Variants in MBTPS1 observed in about 807,000 individuals in gnomAD.
MBTPS1 encodes the protein membrane bound transcription factor peptidase, site 1.
Under a neutral mutation model 127.8 loss-of-function variants are expected in MBTPS1, and 94 were observed. That is an observed-to-expected ratio of 0.74 (90% CI 0.62 to 0.87). The LOEUF (loss-of-function observed/expected upper bound fraction) is 0.87, where lower values mean the gene tolerates loss of function less well. MBTPS1 is among the 40% of genes least tolerant of loss of function. The pLI, the probability that MBTPS1 is intolerant of heterozygous loss-of-function variation, is 0.00. For synonymous variants in MBTPS1, 632 were observed against 509.4 expected (o/e 1.24, Z -3.24); for missense variants, 1,636 against 1,353.2 (o/e 1.21, Z -3.28).
chr16:84,100,356 C>T (rs2086236846), intron 2 of MBTPS1, among the ~76,000 whole-genome samples: 1 of 152,164 alleles, frequency 6.6e-6, no homozygotes, highest in Non-Finnish European at 1.5e-5. Flanking sequence ...ACCAGCCTGA[C>T]CAACATGGAG....
chr16:84,056,463 T>C (rs1376169491), intron 21 of MBTPS1: 2 of 209,720 alleles, frequency 9.5e-6, no homozygotes, highest in Non-Finnish European at 1.9e-5. Context: ...GGAAGGAGCC[T>C]GTCAGGGGGA....
chr16:84,103,573 A>C (rs746463906), intron 1 of MBTPS1, among the ~76,000 whole-genome samples: 20 of 152,152 alleles, frequency 1.3e-4, no homozygotes, highest in African/African-American at 4.3e-4. Flanking sequence ...TTAAAAAGAA[A>C]ACATTAAGGA....
chr16:84,081,529 T>G (rs923857298), intron 11 of MBTPS1: 1 of 364,036 alleles, frequency 2.7e-6, no homozygotes, highest in Non-Finnish European at 4.9e-6. Context: ...TCATTACTTT[T>G]AACCATTTAT....
Position 84,116,823 on chromosome 16 carries a change from A to T in MBTPS1, c.-413T>A, listed in dbSNP as rs1393883948. 1 of 152,086 alleles carries T rather than the reference A, an allele frequency of 6.6e-6. No homozygotes were observed. Among genetic ancestry groups the T allele is most frequent in the Non-Finnish European group, 1.5e-5 (1 of 68,034 alleles). 9.4% of individuals were successfully genotyped at this position (152,086 alleles called of 1,614,324 possible). A position where few individuals can be genotyped will look rare whatever the true frequency, so the allele number is the denominator to read the frequency against. On this transcript the variant is annotated 5_prime_UTR_variant, in exon 1 of 23. Transcript: ENST00000343411. ...CTGGGCACTCCATTCGGGGCTGTTT[A>T]CTCCCAACTCTCGCGAGACTGGGCG...
intron 4 of MBTPS1, among the ~76,000 whole-genome samples, chr16:84,094,496 C>A (rs2086152858): frequency 6.6e-6 from 1 of 152,008 alleles, no homozygotes; most frequent in Admixed American, 6.5e-5. Context: ...CCTGTCTGAC[C>A]AAAAATTCTA....
chr16:84,089,957 C>G (rs1386611957), intron 8 of MBTPS1, among the ~76,000 whole-genome samples: 1 of 152,172 alleles, frequency 6.6e-6, no homozygotes, highest in East Asian at 1.9e-4. Flanking sequence ...TATGTTCATG[C>G]CACTTACATC....
intron 8 of MBTPS1, among the ~76,000 whole-genome samples, chr16:84,089,619 G>A (rs2086076069): frequency 6.6e-6 from 1 of 152,228 alleles, no homozygotes; most frequent in Non-Finnish European, 1.5e-5. Context: ...CAGTCTCATA[G>A]GTACTCTGCA....
chr16:84,071,736 G>GAT (rs2085772455), intron 12 of MBTPS1: 1 of 110,612 alleles, frequency 9.0e-6, no homozygotes, highest in Non-Finnish European at 2.3e-5. Context: ...TACATGAAAT[G>GAT]TAAAACTTTT....
intron 1 of MBTPS1, among the ~76,000 whole-genome samples, chr16:84,114,590 G>C (rs2086443638): frequency 6.6e-6 from 1 of 151,806 alleles, no homozygotes; most frequent in Non-Finnish European, 1.5e-5. Flanking sequence ...CAGCACTTTG[G>C]GAGGCCGACG....
intron 10 of MBTPS1, among the ~76,000 whole-genome samples, chr16:84,082,891 C>T (rs1422310612): frequency 1.3e-5 from 2 of 152,188 alleles, no homozygotes; most frequent in Non-Finnish European, 2.9e-5. Flanking sequence ...GGCTGGAGCT[C>T]GGGAGGCCCG....
rs75570232 is a variant in MBTPS1, at chr16:84,105,676, G to C, written c.-324-3569C>G. On this transcript the variant is annotated intron_variant, in intron 1 of 22. Coordinates refer to ENST00000343411, the MANE Select transcript of MBTPS1 (RefSeq NM_003791.4). ...TCCGTCTAGCGAGGCTGAAAGACGA[G>C]GGGGGAAGAGAGGACCTCAAGCAGG... Among the ~76,000 whole-genome samples, 1,409 of 152,250 alleles carry C rather than the reference G, an allele frequency of 9.3e-3. 27 individuals carry two copies. The highest frequency in any genetic ancestry group is 0.032 in the African/African-American group (1,333 of 41,544).
intron 8 of MBTPS1, among the ~76,000 whole-genome samples, chr16:84,088,389 GTCAT>G (rs1567492467): frequency 6.6e-6 from 1 of 151,426 alleles, no homozygotes; most frequent in Non-Finnish European, 1.5e-5. Flanking sequence ...CTACCAGCTG[GTCAT>G]TCAGAGGAAC....
chr16:84,105,204 G>A (rs1407474682), intron 1 of MBTPS1, among the ~76,000 whole-genome samples: 3 of 152,068 alleles, frequency 2.0e-5, no homozygotes, highest in African/African-American at 4.8e-5. Context: ...AACAGAGAAG[G>A]CAATTATTAT....
intron 1 of MBTPS1, among the ~76,000 whole-genome samples, chr16:84,115,567 G>C (rs2086462653): frequency 6.6e-6 from 1 of 152,248 alleles, no homozygotes; most frequent in Admixed American, 6.5e-5. Flanking sequence ...ATGAAATCCT[G>C]ATTCATGCTA....
At position 84,116,668 on chromosome 16, in the gene MBTPS1, T is replaced by G. The variant is rs925427424; in HGVS notation, c.-325+67A>C. On this transcript the variant is annotated intron_variant, in intron 1 of 22. Coordinates refer to ENST00000343411, the MANE Select transcript of MBTPS1 (RefSeq NM_003791.4). ...GGGCCTCGGACGCAACCGGCACACC[T>G]GAGCGAGCGGGCCGCCGCCGCTAGG... The G allele has an allele frequency of 6.6e-5, 10 of 151,890 alleles. No homozygotes were observed. In the East Asian group the frequency reaches 1.7e-3, roughly 26 times the overall value. 9.4% of individuals were successfully genotyped at this position (151,890 alleles called of 1,614,324 possible). A position where few individuals can be genotyped will look rare whatever the true frequency, so the allele number is the denominator to read the frequency against.
chr16:84,061,785 G>T (rs1038944285), intron 19 of MBTPS1, among the ~76,000 whole-genome samples: 3 of 152,202 alleles, frequency 2.0e-5, no homozygotes, highest in Non-Finnish European at 4.4e-5. Flanking sequence ...GGCGCAACCT[G>T]GTATTGAAAC....
intron 6 of MBTPS1, among the ~76,000 whole-genome samples, chr16:84,092,466 A>G (rs1212106725): frequency 6.6e-6 from 1 of 152,200 alleles, no homozygotes; most frequent in East Asian, 1.9e-4. Context: ...TTAAAAGACC[A>G]GGTACTTATA....
rs1179272238 is a variant in MBTPS1 at position 84,063,294 on chromosome 16, G to A, written c.2572+11C>T. Reference sequence around the variant, plus strand: ...TGCCGAAGTCACAAAGTCCATCTGCGTTTTTCCTACCCTTCTGTCGGTGAC... The same window carrying A: ...TGCCGAAGTCACAAAGTCCATCTGCATTTTTCCTACCCTTCTGTCGGTGAC... On this transcript the variant is annotated intron_variant, in intron 19 of 22. Coordinates refer to ENST00000343411, the MANE Select transcript of MBTPS1 (RefSeq NM_003791.4). The A allele has an allele frequency of 6.9e-6, 11 of 1,603,492 alleles. No individual in the cohort carries two copies. The highest frequency in any genetic ancestry group is 6.7e-5 in the African/African-American group (5 of 74,766).
chr16:84,078,098 C>G (rs552384234), intron 11 of MBTPS1, among the ~76,000 whole-genome samples: 1 of 80,700 alleles, frequency 1.2e-5, no homozygotes, highest in East Asian at 5.9e-4. Context: ...CCGGCACTCA[C>G]GCACACTGCT....
Sources: gnomAD v4.1 joint callset for allele counts (sites outside exome capture counted in the v4.1 genomes callset) on GRCh38, gnomAD v4.1.1 for gene constraint, MANE v1.5 for transcripts, NCBI Gene and HGNC (gene_info 2026-07-23, HGNC 2026-07-21) for gene names.